The following STYK1 variants were observed in gnomAD, a reference collection of about 807,000 sequenced individuals.
The protein encoded by STYK1 is tyrosine-protein kinase STYK1.
A neutral mutation model predicts 48.1 loss-of-function variants in STYK1; 46 were observed. The observed-to-expected ratio is 0.96, with a 90% CI of 0.75 to 1.22. The LOEUF (loss-of-function observed/expected upper bound fraction) is 1.22. STYK1 is among the 50% of genes most tolerant of loss of function. The pLI, the probability that STYK1 is intolerant of heterozygous loss-of-function variation, is 0.00. For missense variants in STYK1, 527 were observed against 521.1 expected (o/e 1.01, Z -0.11); for synonymous variants, 188 against 189.0 (o/e 0.99, Z 0.04).
chr12:10,669,740 A>G (rs567096549), intron 1 of STYK1, among the ~76,000 whole-genome samples: 20 of 152,348 alleles, frequency 1.3e-4, no homozygotes, highest in African/African-American at 4.8e-4. Context: ...AATATCCGGT[A>G]AGTGATTAAT....
Position 10,624,752 on chromosome 12 carries a change from T to G in STYK1, c.825A>C (p.Glu275Asp). 2 of 1,614,114 alleles carry G rather than the reference T, an allele frequency of 1.2e-6. No individual in the cohort carries two copies. Among genetic ancestry groups the G allele is most frequent in the Non-Finnish European group, 1.7e-6 (2 of 1,180,024 alleles). The change falls in exon 8 of 11, where the codon GAA (glutamate) becomes GAC (aspartate). Residue 275 changes from glutamate (E) to aspartate (D), a missense_variant. Transcript: ENST00000075503. Reference protein sequence around the residue: ...AKLCGLGLAYEVYTRGAISST... With the variant: ...AKLCGLGLAYDVYTRGAISST... The stretch of plus-strand genomic sequence containing the variant: ...AGGAGATGGCCCCTCGGGTGTAAAC[T>G]TCATAAGCCAGGCCTAATCCACAGA...
intron 6 of STYK1, 152 bp downstream of exon 6, chr12:10,629,341 A>C: frequency 1.3e-6 from 1 of 762,204 alleles, no homozygotes; most frequent in Non-Finnish European, 2.1e-6. Context: ...TTCTATAATT[A>C]CAAAAAGTTC....
intron 4 of STYK1, among the ~76,000 whole-genome samples, chr12:10,633,181 C>T (rs557277517): frequency 5.9e-5 from 9 of 152,182 alleles, no homozygotes; most frequent in South Asian, 4.2e-4. Context: ...TCAAGTAAGA[C>T]GAAGACTAAG....
At position 10,633,971 on chromosome 12, in the gene STYK1, C is replaced by T. The variant is rs769734925; in HGVS notation, c.187+19G>A. ...CATCTTCTTTAAGCCCCTGCCCAGCCCCAAAGTTTGAGCTTTACCTTGAGG... is the reference window on the plus strand; with the variant it reads ...CATCTTCTTTAAGCCCCTGCCCAGCTCCAAAGTTTGAGCTTTACCTTGAGG... On this transcript the variant is annotated intron_variant, in intron 4 of 10. Coordinates refer to ENST00000075503, the MANE Select transcript of STYK1 (RefSeq NM_018423.3). 8 of 1,612,440 alleles carry T rather than the reference C, an allele frequency of 5.0e-6. No individual in the cohort carries two copies. In the Admixed American group the frequency reaches 1.0e-4, roughly 20 times the overall value.
chr12:10,662,115 A>T (rs1245069262), intron 1 of STYK1, among the ~76,000 whole-genome samples: 5 of 152,210 alleles, frequency 3.3e-5, no homozygotes, highest in African/African-American at 4.8e-5. Flanking sequence ...CTCATACAGT[A>T]TGTGGACTTT....
intron 1 of STYK1, among the ~76,000 whole-genome samples, chr12:10,650,296 C>G (rs531297584): frequency 6.6e-6 from 1 of 152,204 alleles, no homozygotes. Context: ...GAACCAGTGT[C>G]AGAGTTAGGG....
At chr12:10,666,712 G>T (rs2120816688) in intron 1 of STYK1, among the ~76,000 whole-genome samples, 1 of 152,304 alleles carries the variant, frequency 6.6e-6, no homozygotes, top group Non-Finnish European at 1.5e-5. Context: ...GTTCTCACGA[G>T]ATCTGATGGT....
intron 1 of STYK1, among the ~76,000 whole-genome samples, chr12:10,643,663 T>C (rs907443278): frequency 2.0e-5 from 3 of 152,208 alleles, no homozygotes; most frequent in Admixed American, 2.0e-4. Flanking sequence ...AAAAAGTTTC[T>C]TTAAGTAAAC....
At chr12:10,645,053 CAA>C (rs2120711011) in intron 1 of STYK1, among the ~76,000 whole-genome samples, 1 of 152,080 alleles carries the variant, frequency 6.6e-6, no homozygotes, top group South Asian at 2.1e-4. Context: ...GGGGGAAACT[CAA>C]AGAGGGCCTA....
At chr12:10,647,127 G>C (rs114320743) in intron 1 of STYK1, among the ~76,000 whole-genome samples, 1 of 152,218 alleles carries the variant, frequency 6.6e-6, no homozygotes, top group African/African-American at 2.4e-5. Flanking sequence ...GTGGAGCTAC[G>C]AGAAGAGGGT....
At chr12:10,664,976 T>A (rs1055672850) in intron 1 of STYK1, among the ~76,000 whole-genome samples, 4 of 152,174 alleles carry the variant, frequency 2.6e-5, no homozygotes, top group African/African-American at 9.7e-5. Context: ...CATGCATAAG[T>A]CAGAAAATGA....
At chr12:10,623,192 T>C (rs1433925020) in intron 8 of STYK1, among the ~76,000 whole-genome samples, 1 of 152,198 alleles carries the variant, frequency 6.6e-6, no homozygotes, top group African/African-American at 2.4e-5. Context: ...GGTATTTGCC[T>C]AAGCAATATG....
At chr12:10,644,791 G>A (rs918607491) in intron 1 of STYK1, among the ~76,000 whole-genome samples, 1 of 149,748 alleles carries the variant, frequency 6.7e-6, no homozygotes, top group Non-Finnish European at 1.5e-5. Flanking sequence ...TAAGATGCCA[G>A]TGTGACTTTT....
Position 10,639,281 on chromosome 12 carries a change from G to A in STYK1, c.-194-2085C>T, listed in dbSNP as rs543655916. Among the ~76,000 whole-genome samples, 6 of 152,250 alleles carry A rather than the reference G, an allele frequency of 3.9e-5. No individual in the cohort carries two copies. The South Asian group carries it at 8.3e-4, about 21-fold the overall frequency. ...CCAACATCCTATGAAACAAGCTTCC[G>A]GTTTTCAGATCTAATAAACCTGTGT... On this transcript the variant is annotated intron_variant, in intron 1 of 10. Coordinates refer to ENST00000075503, the MANE Select transcript of STYK1 (RefSeq NM_018423.3).
intron 4 of STYK1, among the ~76,000 whole-genome samples, chr12:10,633,620 G>T (rs933660714): frequency 6.6e-6 from 1 of 152,056 alleles, no homozygotes; most frequent in Non-Finnish European, 1.5e-5. Flanking sequence ...GGAATGGAAC[G>T]TATCATAGGG....
At chr12:10,663,504 A>T (rs767060098) in intron 1 of STYK1, among the ~76,000 whole-genome samples, 2 of 143,740 alleles carry the variant, frequency 1.4e-5, no homozygotes, top group African/African-American at 5.0e-5. Flanking sequence ...GAGGCTGAGG[A>T]AGGAGAATGG....
chr12:10,643,006 G>C (rs1391046051), intron 1 of STYK1, among the ~76,000 whole-genome samples: 1 of 151,964 alleles, frequency 6.6e-6, no homozygotes, highest in Non-Finnish European at 1.5e-5. Flanking sequence ...ATTCTGACGG[G>C]GGCATTACGG....
chr12:10,620,309 A>G lies in STYK1; in HGVS notation c.1104T>C (p.Ala368=). Residue 368 remains alanine (A), a synonymous_variant, in exon 11 of 11, where the codon GCT becomes GCC. Transcript: ENST00000075503. ...GCAGCTCTCTAGGTGAGGGGCGGTC[A>G]GCCTCACGCCAGCGCCAGCAGGACT... ...IMKSCWRWRE[A]DRPSPRELRL... is the part of the protein sequence containing the mutation. 1 of 1,613,716 alleles carries G rather than the reference A, an allele frequency of 6.2e-7. No homozygotes were observed. The highest frequency in any genetic ancestry group is 8.5e-7 in the Non-Finnish European group (1 of 1,180,040).
At chr12:10,656,590 A>G (rs1947721330) in intron 1 of STYK1, among the ~76,000 whole-genome samples, 1 of 152,138 alleles carries the variant, frequency 6.6e-6, no homozygotes, top group Admixed American at 6.6e-5. Flanking sequence ...ACGTCACTGC[A>G]CTCCAGCCTG....
Sources: allele counts gnomAD v4.1 joint callset (sites outside exome capture counted in the v4.1 genomes callset), GRCh38; gene constraint gnomAD v4.1.1; transcripts MANE v1.5; gene names NCBI Gene and HGNC (gene_info 2026-07-23, HGNC 2026-07-21).